ABI3BP: variants seen among roughly 807,000 people sequenced by gnomAD.
ABI3BP encodes target of Nesh-SH3.
Under a neutral mutation model 268.6 loss-of-function variants are expected in ABI3BP, and 216 were observed. The observed-to-expected ratio is 0.80, with a 90% confidence interval of 0.72 to 0.90. The LOEUF (loss-of-function observed/expected upper bound fraction) is 0.90, where lower values mean the gene tolerates loss of function less well. Among genes scored for constraint, ABI3BP ranks in the 40% least tolerant of loss-of-function variants. The pLI, the probability that ABI3BP is intolerant of heterozygous loss-of-function variation, is 0.00. For missense variants in ABI3BP, 2,090 were observed against 2,182.4 expected, an observed-to-expected ratio of 0.96 and a Z score of 0.84; for synonymous variants, 730 against 730.0, an observed-to-expected ratio of 1.00 and a Z score of 0.00.
chr3:100,901,735 C>T (rs1396503557), intron 3 of ABI3BP, among the ~76,000 whole-genome samples: 1 of 150,196 alleles, frequency 6.7e-6, no homozygotes, highest in Non-Finnish European at 1.5e-5. Flanking sequence ...CACTGCGCTC[C>T]AGTCTGGGCC....
chr3:100,938,370 G>A lies in ABI3BP; in HGVS notation c.80-11889C>T, dbSNP rs78672712. On this transcript the variant is annotated intron_variant, in intron 1 of 67. Transcript: ENST00000471714. Reference sequence around the variant, plus strand: ...CATTTTCTTTAATTCTTAGGGAGTCGAAAAGGGATCACATAGCATGGGCTT... The same window carrying A: ...CATTTTCTTTAATTCTTAGGGAGTCAAAAAGGGATCACATAGCATGGGCTT... 1.8e-3 allele frequency among the ~76,000 whole-genome samples: 273 copies of A among 151,664 alleles called. 2 individuals are homozygous for A. The highest frequency in any genetic ancestry group is 5.7e-3 in the African/African-American group (237 of 41,404).
intron 1 of ABI3BP, among the ~76,000 whole-genome samples, chr3:100,954,158 T>G (rs1020692484): frequency 6.6e-6 from 1 of 152,220 alleles, no homozygotes; most frequent in African/African-American, 2.4e-5. Flanking sequence ...TTTTAATTAT[T>G]ATTAATTTCT....
chr3:100,964,849 C>T (rs1467264789), intron 1 of ABI3BP, among the ~76,000 whole-genome samples: 1 of 152,218 alleles, frequency 6.6e-6, no homozygotes, highest in Non-Finnish European at 1.5e-5. Flanking sequence ...TCCCCAAATT[C>T]TGGCTTCTGC....
chr3:100,808,892 A>G (rs1379940938), intron 49 of ABI3BP, among the ~76,000 whole-genome samples: 1 of 152,078 alleles, frequency 6.6e-6, no homozygotes, highest in East Asian at 1.9e-4. Context: ...AGGAATTATC[A>G]GATGCAAGGT....
At chr3:100,782,987 C>CA (rs2096914648) in intron 57 of ABI3BP, among the ~76,000 whole-genome samples, 2 of 152,096 alleles carry the variant, frequency 1.3e-5, no homozygotes, top group South Asian at 4.2e-4. Flanking sequence ...AAGAGTCCTA[C>CA]AAAAATCTCT....
chr3:100,890,135 C>A (rs1224553316), intron 4 of ABI3BP, among the ~76,000 whole-genome samples: 1 of 152,080 alleles, frequency 6.6e-6, no homozygotes, highest in Non-Finnish European at 1.5e-5. Context: ...ACGAACTACC[C>A]CAGCTTAATG....
chr3:100,884,699 G>T (rs569675932), intron 6 of ABI3BP, among the ~76,000 whole-genome samples: 3 of 152,128 alleles, frequency 2.0e-5, no homozygotes, highest in Admixed American at 2.0e-4. Flanking sequence ...AATAGTCTTT[G>T]CACGTTCATT....
chr3:100,918,788 G>A (rs1376869307), intron 2 of ABI3BP, among the ~76,000 whole-genome samples: 2 of 152,134 alleles, frequency 1.3e-5, no homozygotes, highest in African/African-American at 4.8e-5. Flanking sequence ...CATTATAGAA[G>A]CAACACCTTT....
intron 2 of ABI3BP, among the ~76,000 whole-genome samples, chr3:100,912,930 T>G (rs2057282614): frequency 6.6e-6 from 1 of 152,172 alleles, no homozygotes; most frequent in South Asian, 2.1e-4. Flanking sequence ...TTGCCTCTGC[T>G]GTAGATGGGT....
chr3:100,778,502 G>T, intron 58 of ABI3BP, 126 bp from the exon 59 acceptor site: 1 of 787,176 alleles, frequency 1.3e-6, no homozygotes, highest in Non-Finnish European at 2.0e-6. Flanking sequence ...ACAGAGAATA[G>T]ATTCTACAGA....
chr3:100,907,890 C>A (rs1490013459), intron 2 of ABI3BP, among the ~76,000 whole-genome samples: 2 of 151,954 alleles, frequency 1.3e-5, no homozygotes, highest in East Asian at 3.9e-4. Context: ...CCTAGGCGGG[C>A]AGATCATGAG....
chr3:100,986,930 T>G (rs2091932740), intron 1 of ABI3BP, among the ~76,000 whole-genome samples: 1 of 152,208 alleles, frequency 6.6e-6, no homozygotes, highest in African/African-American at 2.4e-5. Context: ...ATATTATGTT[T>G]AGCATGTTCC....
intron 14 of ABI3BP, among the ~76,000 whole-genome samples, chr3:100,862,000 C>G (rs1240620917): frequency 6.6e-6 from 1 of 152,178 alleles, no homozygotes; most frequent in East Asian, 1.9e-4. Flanking sequence ...CATGCTGATG[C>G]TTCTTATTTT....
intron 2 of ABI3BP, among the ~76,000 whole-genome samples, chr3:100,903,324 A>T (rs2051400205): frequency 1.3e-5 from 2 of 152,268 alleles, no homozygotes; most frequent in South Asian, 4.1e-4. Context: ...GTTTTAAATA[A>T]AATTATATTA....
chr3:100,857,074 A>G (rs1476435108), intron 14 of ABI3BP, among the ~76,000 whole-genome samples: 2 of 152,162 alleles, frequency 1.3e-5, no homozygotes, highest in Admixed American at 6.5e-5. Context: ...GTAATACTGC[A>G]TGTCTTTTCC....
At chr3:100,956,646 C>T (rs1022945862) in intron 1 of ABI3BP, among the ~76,000 whole-genome samples, 5 of 151,990 alleles carry the variant, frequency 3.3e-5, no homozygotes, top group South Asian at 2.1e-4. Context: ...CCTAACCTAA[C>T]GAGTACAGCT....
At chr3:100,953,163 T>C (rs1368595704) in intron 1 of ABI3BP, among the ~76,000 whole-genome samples, 1 of 152,204 alleles carries the variant, frequency 6.6e-6, no homozygotes, top group Non-Finnish European at 1.5e-5. Context: ...CTACATAATA[T>C]CCAAAGGCTT....
intron 40 of ABI3BP, 25 bp downstream of exon 40, chr3:100,820,195 A>T: frequency 6.6e-7 from 1 of 1,517,354 alleles, no homozygotes; most frequent in Non-Finnish European, 8.8e-7. Context: ...AGGATGAGCT[A>T]CTTTAACCAG....
intron 1 of ABI3BP, among the ~76,000 whole-genome samples, chr3:100,947,603 A>G (rs1471711050): frequency 6.6e-6 from 1 of 152,162 alleles, no homozygotes; most frequent in Non-Finnish European, 1.5e-5. Flanking sequence ...GCCTATGGGG[A>G]ATTGTTCCTT....
Sources: allele counts gnomAD v4.1 joint callset (sites outside exome capture counted in the v4.1 genomes callset), GRCh38; gene constraint gnomAD v4.1.1; transcripts MANE v1.5; gene names NCBI Gene and HGNC (gene_info 2026-07-23, HGNC 2026-07-21).